Variants in ZBTB20 observed in about 807,000 individuals in gnomAD.
ZBTB20 encodes the protein zinc finger and BTB domain-containing protein 20.
In ZBTB20, 9 loss-of-function variants were observed where a neutral mutation model predicts 56.9. That is an observed-to-expected ratio of 0.16 (90% CI 0.10 to 0.28). The LOEUF (loss-of-function observed/expected upper bound fraction) is 0.28. Among genes scored for constraint, ZBTB20 ranks in the 10% least tolerant of loss-of-function variants. ZBTB20 has a pLI of 1.00. For missense variants in ZBTB20, 655 were observed against 1,003.0 expected, an observed-to-expected ratio of 0.65 and a Z score of 4.69; for synonymous variants, 417 against 420.7, an observed-to-expected ratio of 0.99 and a Z score of 0.11.
intron 4 of ZBTB20, among the ~76,000 whole-genome samples, chr3:114,884,405 A>AT (rs1456440799): frequency 6.6e-6 from 1 of 152,192 alleles, no homozygotes; most frequent in South Asian, 2.1e-4. Flanking sequence ...TTCACAGTAG[A>AT]CGGCCTACTT....
At chr3:115,092,592 C>T (rs1187795485) in intron 1 of ZBTB20, among the ~76,000 whole-genome samples, 1 of 151,904 alleles carries the variant, frequency 6.6e-6, no homozygotes, top group African/African-American at 2.4e-5. Flanking sequence ...TGCAGCTTTG[C>T]CATTAGGAAG....
chr3:114,910,998 C>A (rs2075513809), intron 3 of ZBTB20, among the ~76,000 whole-genome samples: 1 of 151,946 alleles, frequency 6.6e-6, no homozygotes, highest in South Asian at 2.1e-4. Flanking sequence ...GAATTTTTAA[C>A]CTTTCTTCTT....
At position 115,046,273 on chromosome 3, in the gene ZBTB20, G is replaced by A. The variant is rs376321684; in HGVS notation, c.-507+24946C>T. Among the ~76,000 whole-genome samples, 7 of 152,098 alleles carry A rather than the reference G, an allele frequency of 4.6e-5. No individual in the cohort carries two copies. In the East Asian group the frequency reaches 9.6e-4, roughly 21 times the overall value. On this transcript the variant is annotated intron_variant, in intron 2 of 11. Coordinates refer to ENST00000675478, the MANE Select transcript of ZBTB20 (RefSeq NM_001348800.3). ...CCTAAAACGTTGAAGGTTTTAACTC[G>A]GAAGATGGAGAAAAAAGGATTCTTA...
intron 6 of ZBTB20, among the ~76,000 whole-genome samples, chr3:114,536,806 A>T (rs1385113009): frequency 6.6e-6 from 1 of 152,158 alleles, no homozygotes; most frequent in African/African-American, 2.4e-5. Context: ...AGACCAATGG[A>T]ACAGAAAGAG....
intron 4 of ZBTB20, among the ~76,000 whole-genome samples, chr3:114,899,120 GTTAAA>G (rs1481108666): frequency 2.0e-5 from 3 of 152,032 alleles, no homozygotes; most frequent in Non-Finnish European, 4.4e-5. Context: ...TCTAGCATTT[GTTAAA>G]TTAAAGAATA....
intron 6 of ZBTB20, among the ~76,000 whole-genome samples, chr3:114,562,016 T>G (rs1265943845): frequency 6.6e-6 from 1 of 152,194 alleles, no homozygotes; most frequent in African/African-American, 2.4e-5. Flanking sequence ...ACTTTTATAT[T>G]ATAGAGATGG....
chr3:114,440,674 A>G (rs750674858), intron 7 of ZBTB20, among the ~76,000 whole-genome samples: 4 of 152,176 alleles, frequency 2.6e-5, no homozygotes, highest in Admixed American at 1.3e-4. Context: ...GGGACAGTTT[A>G]TTTGAATTAA....
chr3:114,342,357 C>T (rs1372200840), intron 11 of ZBTB20, among the ~76,000 whole-genome samples: 1 of 152,114 alleles, frequency 6.6e-6, no homozygotes, highest in East Asian at 1.9e-4. Flanking sequence ...AGATGGTTTT[C>T]CAGGTTTAAG....
chr3:114,443,369 G>T (rs1300905411), intron 7 of ZBTB20, among the ~76,000 whole-genome samples: 1 of 152,162 alleles, frequency 6.6e-6, no homozygotes. Context: ...TTCTGGGGAT[G>T]CTGCAAAGAG....
At chr3:115,020,437 C>T (rs1200638647) in intron 2 of ZBTB20, among the ~76,000 whole-genome samples, 2 of 151,008 alleles carry the variant, frequency 1.3e-5, no homozygotes, top group Non-Finnish European at 3.0e-5. Context: ...AATTCAGAGG[C>T]ATATAATGGG....
intron 7 of ZBTB20, among the ~76,000 whole-genome samples, chr3:114,395,380 C>T (rs1316065841): frequency 1.3e-5 from 2 of 152,048 alleles, no homozygotes; most frequent in Non-Finnish European, 2.9e-5. Flanking sequence ...CTAGGTGGCT[C>T]AGCTTTTCTA....
At chr3:114,340,583 C>T (rs983087889) in intron 11 of ZBTB20, among the ~76,000 whole-genome samples, 2 of 152,078 alleles carry the variant, frequency 1.3e-5, no homozygotes, top group Non-Finnish European at 2.9e-5. Context: ...TCCATGGGTC[C>T]GTGACATCTC....
At chr3:114,371,617 G>A (rs1391776409) in intron 10 of ZBTB20, among the ~76,000 whole-genome samples, 19 of 152,156 alleles carry the variant, frequency 1.2e-4, no homozygotes. Context: ...CCACTATATT[G>A]ATGGATGAAT....
intron 3 of ZBTB20, among the ~76,000 whole-genome samples, chr3:114,923,875 A>T (rs2076053131): frequency 6.6e-6 from 1 of 152,146 alleles, no homozygotes; most frequent in Admixed American, 6.5e-5. Flanking sequence ...GCAAAAAAAA[A>T]TAATAACAAT....
At chr3:114,839,483 G>GAAAGAA (rs772435781) in intron 4 of ZBTB20, among the ~76,000 whole-genome samples, 2 of 147,608 alleles carry the variant, frequency 1.4e-5, no homozygotes, top group African/African-American at 2.5e-5. Context: ...GAGAAAGAAA[G>GAAAGAA]AGAAAGAAAG....
chr3:114,421,933 G>A (rs537520480), intron 7 of ZBTB20, among the ~76,000 whole-genome samples: 18 of 151,446 alleles, frequency 1.2e-4, no homozygotes, highest in African/African-American at 2.9e-4. Context: ...ACTTTGTTTC[G>A]GGCTGTATCT....
At chr3:114,742,263 C>T (rs923849528) in intron 5 of ZBTB20, among the ~76,000 whole-genome samples, 1 of 151,904 alleles carries the variant, frequency 6.6e-6, no homozygotes, top group Admixed American at 6.6e-5. Flanking sequence ...AAAGGTTGAG[C>T]CTGTCAATGA....
chr3:114,701,244 T>C (rs183884548), intron 5 of ZBTB20, among the ~76,000 whole-genome samples: 1 of 152,244 alleles, frequency 6.6e-6, no homozygotes, highest in Non-Finnish European at 1.5e-5. Flanking sequence ...TAACTCATTA[T>C]TGTAGGAAAC....
chr3:114,325,316 CA>C lies in ZBTB20; in HGVS notation c.*13688del, dbSNP rs2079028088. On this transcript the variant is annotated 3_prime_UTR_variant, in exon 12 of 12. Coordinates refer to ENST00000675478, the MANE Select transcript of ZBTB20 (RefSeq NM_001348800.3). ...AAGTTTGTCCCAAGGAGAGCAAGAG[CA>C]GAGTAACTAGCCTTTGTTTTCAAAG... is the stretch of plus-strand genomic sequence containing the variant. 1 of 152,120 alleles carries C rather than the reference CA, an allele frequency of 6.6e-6. No homozygotes were observed. The highest frequency in any genetic ancestry group is 1.5e-5 in the Non-Finnish European group (1 of 68,020). 9.4% of individuals were successfully genotyped at this position (152,120 alleles called of 1,614,324 possible). A position where few individuals can be genotyped will look rare whatever the true frequency, so the allele number is the denominator to read the frequency against.
Sources: allele counts gnomAD v4.1 joint callset (sites outside exome capture counted in the v4.1 genomes callset), GRCh38; gene constraint gnomAD v4.1.1; transcripts MANE v1.5; gene names NCBI Gene and HGNC (gene_info 2026-07-23, HGNC 2026-07-21).